NTRK3: variants seen among roughly 807,000 people sequenced by gnomAD.
NTRK3 encodes neurotrophic receptor tyrosine kinase 3.
NTRK3 carries 24 observed loss-of-function variants against 91.7 expected under a neutral mutation model. The ratio of observed to expected loss-of-function variants is 0.26; its 90% confidence interval spans 0.19 to 0.37. The LOEUF (loss-of-function observed/expected upper bound fraction) is 0.37. Among genes scored for constraint, NTRK3 ranks in the 10% least tolerant of loss-of-function variants. NTRK3 has a pLI of 1.00. For missense variants in NTRK3, 880 were observed against 1,068.9 expected, an observed-to-expected ratio of 0.82 and a Z score of 2.46; for synonymous variants, 483 against 404.0, an observed-to-expected ratio of 1.20 and a Z score of -2.34.
intron 14 of NTRK3, among the ~76,000 whole-genome samples, chr15:88,004,401 T>G (rs1012693697): frequency 1.3e-5 from 2 of 152,198 alleles, no homozygotes; most frequent in African/African-American, 4.8e-5. Flanking sequence ...AACTCTCATG[T>G]GGGCAAGAAA....
chr15:87,937,219 G>C (rs2069378200), intron 15 of NTRK3, among the ~76,000 whole-genome samples: 1 of 152,198 alleles, frequency 6.6e-6, no homozygotes, highest in Non-Finnish European at 1.5e-5. Context: ...CTTACCAAGA[G>C]TCATCAGTGA....
intron 3 of NTRK3, among the ~76,000 whole-genome samples, chr15:88,206,251 A>T (rs1423119546): frequency 2.6e-5 from 4 of 151,022 alleles, no homozygotes; most frequent in Non-Finnish European, 4.4e-5. Flanking sequence ...AGGCTGAGGC[A>T]GGAGAATAGC....
At chr15:88,182,516 A>T (rs1004617362) in intron 5 of NTRK3, among the ~76,000 whole-genome samples, 1 of 151,844 alleles carries the variant, frequency 6.6e-6, no homozygotes, top group African/African-American at 2.4e-5. Context: ...ATAGCACACC[A>T]CTTCTCCACT....
intron 13 of NTRK3, among the ~76,000 whole-genome samples, chr15:88,083,663 T>C (rs2048253581): frequency 6.6e-6 from 1 of 152,192 alleles, no homozygotes; most frequent in Non-Finnish European, 1.5e-5. Context: ...GTGGCTCACA[T>C]CAATTGCCTT....
At chr15:88,176,299 G>T (rs1343292473) in intron 5 of NTRK3, among the ~76,000 whole-genome samples, 1 of 152,134 alleles carries the variant, frequency 6.6e-6, no homozygotes, top group Non-Finnish European at 1.5e-5. Context: ...ACCATGCCCA[G>T]CTAATTTTTG....
rs147770245 is a variant in NTRK3, at chr15:87,984,145, T to C, written c.1586-43392A>G. 9.8e-3 allele frequency among the ~76,000 whole-genome samples: 1,488 copies of C among 152,210 alleles called. 10 individuals are homozygous for C. Among genetic ancestry groups the C allele is most frequent in the Non-Finnish European group, 0.017 (1,130 of 68,008 alleles). On this transcript the variant is annotated intron_variant, in intron 14 of 18. Transcript: ENST00000394480. ...GGAGAGATGGATAATTAAAATATAG[T>C]CATACCCTAACCAAGGGTTGTGGAA... is the stretch of plus-strand genomic sequence containing the variant.
chr15:88,200,923 C>G (rs913579567), intron 3 of NTRK3, among the ~76,000 whole-genome samples: 7 of 152,202 alleles, frequency 4.6e-5, no homozygotes, highest in Non-Finnish European at 1.0e-4. Flanking sequence ...ATCCCAGCTG[C>G]TCAGCTAGGC....
At chr15:87,880,556 A>G in intron 17 of NTRK3, 128 bp from the exon 19 acceptor site, 4 of 1,092,276 alleles carry the variant, frequency 3.7e-6, no homozygotes, top group Non-Finnish European at 5.4e-6. Context: ...AGCTTTATGC[A>G]ACTTCTATCA....
chr15:88,060,993 T>A (rs2142473386), intron 13 of NTRK3, among the ~76,000 whole-genome samples: 1 of 152,112 alleles, frequency 6.6e-6, no homozygotes, highest in East Asian at 1.9e-4. Flanking sequence ...ATTAAAATAG[T>A]CTTCACTAAG....
chr15:88,024,363 C>T (rs148917082), intron 14 of NTRK3, among the ~76,000 whole-genome samples: 284 of 152,238 alleles, frequency 1.9e-3, no homozygotes, highest in Admixed American at 2.7e-3. Context: ...TGCTCTGTAG[C>T]TAAAGAGGGG....
intron 3 of NTRK3, among the ~76,000 whole-genome samples, chr15:88,184,743 G>T (rs2046816304): frequency 6.6e-6 from 1 of 152,192 alleles, no homozygotes; most frequent in African/African-American, 2.4e-5. Flanking sequence ...AAAAAGGACG[G>T]GGTGGCCGGC....
rs187899766 is a variant in NTRK3 at position 88,236,574 on chromosome 15, C to T, written c.248+19332G>A. Among the ~76,000 whole-genome samples, 395 of 136,580 alleles carry T rather than the reference C, an allele frequency of 2.9e-3. 2 individuals are homozygous for T. The highest frequency in any genetic ancestry group is 0.01 in the African/African-American group (368 of 36,290). The allele number at this position is 136,580 out of a possible 152,430, so 89.6% of individuals were successfully genotyped here. A position where few individuals can be genotyped will look rare whatever the true frequency, so the allele number is the denominator to read the frequency against. ...AGAAAAGAGAAGAAAAATACCAACA[C>T]GGGAGCTAAGCTATGAAGTTGCAAA... On this transcript the variant is annotated intron_variant, in intron 3 of 18. Transcript: ENST00000394480.
intron 13 of NTRK3, among the ~76,000 whole-genome samples, chr15:88,110,586 G>A (rs1360457621): frequency 6.6e-6 from 1 of 152,200 alleles, no homozygotes; most frequent in African/African-American, 2.4e-5. Context: ...GCTGACATGA[G>A]TGGTACTGCA....
At chr15:87,864,878 T>G (rs1350613426) in exon 19 of NTRK3, 1 of 226,638 alleles carries the variant, frequency 4.4e-6, no homozygotes, top group African/African-American at 2.2e-5. Context: ...CCCTGTACAG[T>G]TCACCTTCTC....
At position 88,256,038 on chromosome 15, in the gene NTRK3, C is replaced by A. The variant is rs1339674722; in HGVS notation, c.116G>T (p.Ser39Ile). ...CCGCCGGCAATTGATCTCAGTCTTG[C>A]TGCAGACACAATTTGCAGGGCAAGC... Residue 39 changes from serine (S) to isoleucine (I), a missense_variant, in exon 3 of 19, where the codon AGC (serine) becomes ATC (isoleucine). Physicochemically the swap from Ser to Ile is moderately radical, Grantham distance 142. This residue lies in a region of NTRK3 where 743 missense variants were observed against 868.6 expected (regional missense o/e 0.86). Coordinates refer to ENST00000394480, the Ensembl canonical transcript of NTRK3. The A allele has an allele frequency of 1.9e-6, 3 of 1,613,350 alleles. No homozygotes were observed. In the Admixed American group the frequency reaches 5.0e-5, roughly 27 times the overall value.
At chr15:88,147,251 A>C in intron 6 of NTRK3, 84 bp downstream of exon 6, 2 of 1,256,328 alleles carry the variant, frequency 1.6e-6, no homozygotes. Flanking sequence ...CTCAGCCTTC[A>C]GGTGGTTCCA....
intron 17 of NTRK3, 95 bp from the exon 19 acceptor site, chr15:87,880,523 G>T: frequency 7.4e-7 from 1 of 1,349,596 alleles, no homozygotes; most frequent in Non-Finnish European, 1.0e-6. Context: ...CACTCTTGAT[G>T]CATCCTATTC....
At chr15:88,244,074 A>C (rs1055455526) in intron 3 of NTRK3, among the ~76,000 whole-genome samples, 2 of 152,184 alleles carry the variant, frequency 1.3e-5, no homozygotes, top group Non-Finnish European at 2.9e-5. Flanking sequence ...TCTCCATGCC[A>C]GCCACTGGGT....
At chr15:87,872,937 G>A (rs567877422) in exon 19 of NTRK3, 54 of 232,990 alleles carry the variant, frequency 2.3e-4, no homozygotes, top group East Asian at 9.1e-4. Flanking sequence ...CCAAGGCCAC[G>A]TGGATAACTA....
Sources: allele counts gnomAD v4.1 joint callset (sites outside exome capture counted in the v4.1 genomes callset), GRCh38; gene constraint gnomAD v4.1.1; regional missense constraint gnomAD v4.1.1; transcripts MANE v1.5; gene names NCBI Gene and HGNC (gene_info 2026-07-23, HGNC 2026-07-21).